GALNT18: variants seen among roughly 807,000 people sequenced by gnomAD.
GALNT18 encodes GalNAc-transferase 18.
Under a neutral mutation model 69.5 loss-of-function variants are expected in GALNT18, and 44 were observed. That is an observed-to-expected ratio of 0.63 (90% confidence interval 0.50 to 0.81). GALNT18 has a LOEUF of 0.81. GALNT18 is among the 40% of genes least tolerant of loss of function. GALNT18 has a pLI of 0.00. For synonymous variants in GALNT18, 364 were observed against 318.2 expected (o/e 1.14, Z -1.53); for missense variants, 715 against 810.0 (o/e 0.88, Z 1.42).
At chr11:11,419,155 T>C (rs1180651123) in intron 3 of GALNT18, among the ~76,000 whole-genome samples, 1 of 152,220 alleles carries the variant, frequency 6.6e-6, no homozygotes, top group African/African-American at 2.4e-5. Flanking sequence ...GTCTCTACTC[T>C]AGCAGCACAG....
chr11:11,420,258 C>A (rs1854972062), intron 3 of GALNT18, among the ~76,000 whole-genome samples: 1 of 152,172 alleles, frequency 6.6e-6, no homozygotes, highest in Non-Finnish European at 1.5e-5. Context: ...CAGACCCAGT[C>A]ATTTGCACCA....
intron 3 of GALNT18, among the ~76,000 whole-genome samples, chr11:11,424,910 C>A (rs1158549722): frequency 6.6e-6 from 1 of 152,036 alleles, no homozygotes; most frequent in Non-Finnish European, 1.5e-5. Flanking sequence ...CCACCATGCC[C>A]ACAGATAGTG....
At chr11:11,273,765 C>T (rs7948918) in intron 10 of GALNT18, among the ~76,000 whole-genome samples, 1,804 of 152,114 alleles carry the variant, frequency 0.012, 50 homozygotes, top group African/African-American at 0.041. Flanking sequence ...CAGCACTATT[C>T]GCAATAGACA....
intron 1 of GALNT18, among the ~76,000 whole-genome samples, chr11:11,578,222 C>T (rs573036599): frequency 6.6e-6 from 1 of 151,800 alleles, no homozygotes; most frequent in Admixed American, 6.6e-5. Context: ...CAGGAGAACC[C>T]CAGCAGCCAT....
chr11:11,413,328 GC>G lies in GALNT18; in HGVS notation c.595+19292del, dbSNP rs1854774764. The stretch of plus-strand genomic sequence containing the variant: ...GCCCTGGAGGGGAAGCAATAGTCTG[GC>G]CAAACATCCCTCTGGAGGTGCAGAT... On this transcript the variant is annotated intron_variant, in intron 3 of 10. Transcript: ENST00000227756. The surrounding 1 kb of genome is among the most constrained non-coding windows in gnomAD (Gnocchi z 4.7). 6.6e-6 allele frequency among the ~76,000 whole-genome samples: 1 copy of G among 152,156 alleles called. No individual in the cohort carries two copies. The highest frequency in any genetic ancestry group is 2.1e-4 in the South Asian group (1 of 4,808).
At chr11:11,327,366 C>A (rs1564896444) in intron 8 of GALNT18, among the ~76,000 whole-genome samples, 185 bp from the exon 9 acceptor site, 2 of 152,188 alleles carry the variant, frequency 1.3e-5, no homozygotes, top group South Asian at 2.1e-4. Context: ...TGAGGGGAGA[C>A]CAGCCTCCTT....
chr11:11,281,152 C>T lies in GALNT18; in HGVS notation c.1678-9862G>A, dbSNP rs973471867. ...GCAGGCAGGGGACCAAAACCAGCCC[C>T]GCTCTCTAATTTGCAAGATCTGTTG... On this transcript the variant is annotated intron_variant, in intron 10 of 10. Coordinates refer to ENST00000227756, the MANE Select transcript of GALNT18 (RefSeq NM_198516.3). Among the ~76,000 whole-genome samples the T allele has an allele frequency of 3.3e-5, 5 of 152,308 alleles. No individual in the cohort carries two copies. In the East Asian group the frequency reaches 7.7e-4, roughly 24 times the overall value.
intron 1 of GALNT18, among the ~76,000 whole-genome samples, chr11:11,610,541 T>C (rs1208673684): frequency 6.6e-6 from 1 of 152,198 alleles, no homozygotes; most frequent in Non-Finnish European, 1.5e-5. Flanking sequence ...CCTTCCTCAC[T>C]GGTTTTTTTT....
rs1047790734 is a variant in GALNT18, at chr11:11,505,192, G to C, written c.236-56256C>G. 6.6e-6 allele frequency among the ~76,000 whole-genome samples: 1 copy of C among 152,174 alleles called. No homozygotes were observed. The highest frequency in any genetic ancestry group is 2.4e-5 in the African/African-American group (1 of 41,430). On this transcript the variant is annotated intron_variant, in intron 1 of 10. Coordinates refer to ENST00000227756, the MANE Select transcript of GALNT18 (RefSeq NM_198516.3). The surrounding 1 kb of genome is among the most constrained non-coding windows in gnomAD (Gnocchi z 4.6). ...AAAGGATGTTCCAGGCAGAGTAAAT[G>C]GCATGATATTTTGTAGTACACACAC...
intron 1 of GALNT18, among the ~76,000 whole-genome samples, chr11:11,599,411 G>A (rs889462745): frequency 1.3e-5 from 2 of 151,766 alleles, no homozygotes; most frequent in Non-Finnish European, 2.9e-5. Context: ...ATTAAATATA[G>A]CCCCTCCAGA....
chr11:11,294,222 AC>A (rs1849357245), intron 9 of GALNT18, among the ~76,000 whole-genome samples: 1 of 152,222 alleles, frequency 6.6e-6, no homozygotes, highest in Admixed American at 6.5e-5. Flanking sequence ...GGGGCGTTGC[AC>A]AGGACATGCT....
chr11:11,394,491 T>A (rs1854275440), intron 3 of GALNT18, among the ~76,000 whole-genome samples: 1 of 152,204 alleles, frequency 6.6e-6, no homozygotes, highest in Admixed American at 6.5e-5. Flanking sequence ...CCTAAAGGTC[T>A]CCAAGAGATG....
In GALNT18 at chr11:11,496,230, T is replaced by C. The variant is rs1856863162; in HGVS notation, c.236-47294A>G. ...TTAGAATATAGCAATAGAGTTTTGA[T>C]GATCTGCTGACTTCATTTGATTGCA... On this transcript the variant is annotated intron_variant, in intron 1 of 10. Transcript: ENST00000227756. This position sits in a 1 kb window ranked among gnomAD's most constrained non-coding sequence, Gnocchi z 4.0. Among the ~76,000 whole-genome samples, 1 of 152,230 alleles carries C rather than the reference T, an allele frequency of 6.6e-6. No individual in the cohort carries two copies. The highest frequency in any genetic ancestry group is 2.1e-4 in the South Asian group (1 of 4,832).
chr11:11,455,599 G>A (rs576791190), intron 1 of GALNT18, among the ~76,000 whole-genome samples: 5 of 152,322 alleles, frequency 3.3e-5, no homozygotes, highest in South Asian at 2.1e-4. Context: ...TGTACAGATC[G>A]GAAACCAAGA....
rs932761819 is a variant in GALNT18, at chr11:11,469,389, T to C, written c.236-20453A>G. ...AATAGACAGTCCTCGTCAAGTTTGT[T>C]GTTATGGCTATGTCTTTTACAGGGT... On this transcript the variant is annotated intron_variant, in intron 1 of 10. Coordinates refer to ENST00000227756, the MANE Select transcript of GALNT18 (RefSeq NM_198516.3). The surrounding 1 kb of genome is among the most constrained non-coding windows in gnomAD (Gnocchi z 4.2). Among the ~76,000 whole-genome samples, 4 of 152,164 alleles carry C rather than the reference T, an allele frequency of 2.6e-5. No individual in the cohort carries two copies. Among genetic ancestry groups the C allele is most frequent in the African/African-American group, 9.7e-5 (4 of 41,436 alleles).
rs1234403411 is a variant in GALNT18 at position 11,563,277 on chromosome 11, G to A, written c.235+58082C>T. 6.6e-6 allele frequency among the ~76,000 whole-genome samples: 1 copy of A among 152,128 alleles called. No individual in the cohort carries two copies. The highest frequency in any genetic ancestry group is 1.5e-5 in the Non-Finnish European group (1 of 68,026). On this transcript the variant is annotated intron_variant, in intron 1 of 10. Transcript: ENST00000227756. The surrounding 1 kb of genome is among the most constrained non-coding windows in gnomAD (Gnocchi z 4.6). ...GGCTCTTCCTGGCTTTGTTCTCATA[G>A]GGCAATTTCAGCTCCATCTGCAGTC...
At position 11,617,915 on chromosome 11, in the gene GALNT18, C is replaced by T. The variant is rs753837802; in HGVS notation, c.235+3444G>A. 2.0e-5 allele frequency among the ~76,000 whole-genome samples: 3 copies of T among 152,070 alleles called. No homozygotes were observed. The highest frequency in any genetic ancestry group is 2.9e-5 in the Non-Finnish European group (2 of 68,008). On this transcript the variant is annotated intron_variant, in intron 1 of 10. Coordinates refer to ENST00000227756, the MANE Select transcript of GALNT18 (RefSeq NM_198516.3). This position sits in a 1 kb window ranked among gnomAD's most constrained non-coding sequence, Gnocchi z 4.7. ...TAACATTTACTTTGTGTTTCTAAAC[C>T]CCCAGGATGCTTTTTTTAAAAACTC...
rs1002818582 is a variant in GALNT18, at chr11:11,555,329, T to C, written c.235+66030A>G. ...TAGAGAGCATTTTCCTGACACAGTG[T>C]AAACGTTTGCCAGAAACAGGCTTCT... On this transcript the variant is annotated intron_variant, in intron 1 of 10. Transcript: ENST00000227756. This position sits in a 1 kb window ranked among gnomAD's most constrained non-coding sequence, Gnocchi z 4.7. Among the ~76,000 whole-genome samples, 1 of 152,198 alleles carries C rather than the reference T, an allele frequency of 6.6e-6. No individual in the cohort carries two copies. Among genetic ancestry groups the C allele is most frequent in the Non-Finnish European group, 1.5e-5 (1 of 68,036 alleles).
At chr11:11,516,270 G>A (rs914745304) in intron 1 of GALNT18, among the ~76,000 whole-genome samples, 2 of 152,160 alleles carry the variant, frequency 1.3e-5, no homozygotes, top group Non-Finnish European at 2.9e-5. Flanking sequence ...CTCCCAAATA[G>A]CCCATCCCTG....
Sources: gnomAD v4.1 joint callset for allele counts (sites outside exome capture counted in the v4.1 genomes callset) on GRCh38, gnomAD v4.1.1 for gene constraint, Gnocchi (gnomAD v3.1) non-coding constraint, MANE v1.5 for transcripts, NCBI Gene and HGNC (gene_info 2026-07-23, HGNC 2026-07-21) for gene names.